The following NOX5 variants were observed in gnomAD, a reference collection of about 807,000 sequenced individuals.
NOX5 encodes the protein NADPH oxidase, EF-hand calcium binding domain 5.
NOX5 carries 76 observed loss-of-function variants against 85.7 expected under a neutral mutation model. The observed-to-expected ratio is 0.89, with a 90% CI of 0.74 to 1.07. The LOEUF is 1.07. NOX5 is among the 50% of genes least tolerant of loss of function. The pLI, the probability that NOX5 is intolerant of heterozygous loss-of-function variation, is 0.00. For synonymous variants in NOX5, 405 were observed against 401.4 expected, an observed-to-expected ratio of 1.01 and a Z score of -0.11; for missense variants, 973 against 999.5, an observed-to-expected ratio of 0.97 and a Z score of 0.36.
rs1399233239 is a variant in NOX5 at position 69,046,981 on chromosome 15, C to T, written c.1692+115C>T. The stretch of plus-strand genomic sequence containing the variant: ...TTGTGGGTACTCAAGCTCCTCAAAT[C>T]CTCATGGGCTGACATCCAGGTATCC... On this transcript the variant is annotated intron_variant, in intron 11 of 15. Coordinates refer to ENST00000388866, the MANE Select transcript of NOX5 (RefSeq NM_024505.4). 3 of 1,073,974 alleles carry T rather than the reference C, an allele frequency of 2.8e-6. No homozygotes were observed. The African/African-American group carries it at 4.7e-5, about 17-fold the overall frequency. The allele number at this position is 1,073,974 out of a possible 1,614,324, so 66.5% of individuals were successfully genotyped here. A position where few individuals can be genotyped will look rare whatever the true frequency, so the allele number is the denominator to read the frequency against.
Position 69,033,148 on chromosome 15 carries a change from G to A in NOX5, c.726G>A (p.Leu242=). 1 of 1,575,276 alleles carries A rather than the reference G, an allele frequency of 6.3e-7. No homozygotes were observed. The highest frequency in any genetic ancestry group is 8.6e-7 in the Non-Finnish European group (1 of 1,167,270). ...WHNHRSQLFC[L]ATYAGLHVLL... ...ACCACCGCAGCCAGCTGTTCTGCCT[G>A]GCCACCTATGCAGGCCTCCACGTGC... Residue 242 remains leucine (L), a synonymous_variant, in exon 5 of 16, where the codon CTG becomes CTA. Coordinates refer to ENST00000388866, the MANE Select transcript of NOX5 (RefSeq NM_024505.4).
chr15:69,018,485 T>G (rs1420291603), intron 1 of NOX5, among the ~76,000 whole-genome samples: 1 of 152,118 alleles, frequency 6.6e-6, no homozygotes, highest in Non-Finnish European at 1.5e-5. Context: ...GGACACAACC[T>G]AGGGAGATGC....
At chr15:69,045,599 T>TTCCCTTTCTTTCTTTTCTTTCTTTCTCTC (rs1567105301) in intron 10 of NOX5, among the ~76,000 whole-genome samples, 1 of 125,756 alleles carries the variant, frequency 8.0e-6, no homozygotes, top group African/African-American at 3.1e-5. Context: ...TCTTTCTTTC[T>TTCCCTTTCTTTCTTTTCTTTCTTTCTCTC]TTTTTTTTTC....
Position 69,056,838 on chromosome 15 carries a change from G to A in NOX5, c.*142G>A. On this transcript the variant is annotated 3_prime_UTR_variant, in exon 16 of 16. Coordinates refer to ENST00000388866, the MANE Select transcript of NOX5 (RefSeq NM_024505.4). Reference sequence around the variant, plus strand: ...GGACCCCCTAATCCTGCTCAACAGAGAGAACAGGAGACCCCAAGGGGCAGA... The same window carrying A: ...GGACCCCCTAATCCTGCTCAACAGAAAGAACAGGAGACCCCAAGGGGCAGA... 1 of 1,012,260 alleles carries A rather than the reference G, an allele frequency of 9.9e-7. No homozygotes were observed. The highest frequency in any genetic ancestry group is 1.4e-6 in the Non-Finnish European group (1 of 714,726). The allele number at this position is 1,012,260 out of a possible 1,614,324, so 62.7% of individuals were successfully genotyped here.
rs772321172 is a variant in NOX5, at chr15:69,056,659, A to G, written c.2261A>G (p.Glu754Gly). Residue 754 changes from glutamate to glycine, a missense_variant, in exon 16 of 16, where the codon GAG becomes GGG. Glu to Gly is a moderately conservative substitution (Grantham distance 98). Coordinates refer to ENST00000388866, the MANE Select transcript of NOX5 (RefSeq NM_024505.4). The part of the protein sequence containing the change: ...ALAKVLKGHC[E>G]KFGFRFFQEN... ...GCCAAGGTGCTGAAGGGCCATTGTGAGAAGTTCGGCTTCAGATTTTTCCAA... is the reference window on the plus strand; with the variant it reads ...GCCAAGGTGCTGAAGGGCCATTGTGGGAAGTTCGGCTTCAGATTTTTCCAA... 4.8e-5 allele frequency: 77 copies of G among 1,613,720 alleles called. No homozygotes were observed. Among genetic ancestry groups the G allele is most frequent in the Non-Finnish European group, 6.4e-5 (75 of 1,180,040 alleles).
At chr15:69,015,434 T>C (rs548985506) in intron 1 of NOX5, among the ~76,000 whole-genome samples, 5 of 152,146 alleles carry the variant, frequency 3.3e-5, no homozygotes, top group Non-Finnish European at 5.9e-5. Context: ...CGTTAGCACT[T>C]GCATGCAGCC....
At chr15:69,017,899 G>A (rs557280582) in intron 1 of NOX5, among the ~76,000 whole-genome samples, 5 of 152,062 alleles carry the variant, frequency 3.3e-5, no homozygotes, top group African/African-American at 9.6e-5. Flanking sequence ...GGATCACCCA[G>A]CAGGCACGAG....
At chr15:69,030,448 G>A (rs2050413973) in intron 3 of NOX5, 1 of 152,176 alleles carries the variant, frequency 6.6e-6, no homozygotes, top group African/African-American at 2.4e-5. Flanking sequence ...TCAGTAGAAT[G>A]GAAGGTTAGA....
chr15:69,024,175 C>A (rs1391120511), intron 1 of NOX5: 1 of 152,316 alleles, frequency 6.6e-6, no homozygotes, highest in Non-Finnish European at 1.5e-5. Context: ...TTAAAATATT[C>A]TTACATTTCC....
intron 5 of NOX5, among the ~76,000 whole-genome samples, chr15:69,035,082 G>A (rs1055968285): frequency 6.6e-6 from 1 of 152,076 alleles, no homozygotes; most frequent in Non-Finnish European, 1.5e-5. Flanking sequence ...TTAAATATTA[G>A]TAAAAGCATA....
At chr15:69,019,773 T>C (rs2050276032) in intron 1 of NOX5, among the ~76,000 whole-genome samples, 1 of 152,228 alleles carries the variant, frequency 6.6e-6, no homozygotes. Flanking sequence ...ATATGGGCCA[T>C]TATGCAGTAA....
chr15:69,023,709 T>TGAAAAATGTAGTACTAGATAG (rs2050322463), intron 1 of NOX5: 1 of 173,734 alleles, frequency 5.8e-6, no homozygotes, highest in African/African-American at 2.4e-5. Context: ...AATAATGCTG[T>TGAAAAATGTAGTACTAGATAG]ATAATAATCC....
rs1422235904 is a variant in NOX5, at chr15:69,062,298, C to T, written c.*5602C>T. 2.4e-4 allele frequency: 36 copies of T among 151,898 alleles called. No homozygotes were observed. The highest frequency in any genetic ancestry group is 2.4e-3 in the Admixed American group (36 of 15,262). The allele number at this position is 151,898 out of a possible 1,614,324, so 9.4% of individuals were successfully genotyped here. ...GAAGACCAGTTAGCCAGAAAGGAAG[C>T]TTGGAAGACCACCCAGCTAACTGGT... On this transcript the variant is annotated 3_prime_UTR_variant, in exon 16 of 16. Transcript: ENST00000388866.
chr15:69,025,450 G>A (rs569671254), intron 1 of NOX5, among the ~76,000 whole-genome samples: 2 of 152,274 alleles, frequency 1.3e-5, no homozygotes, highest in Non-Finnish European at 1.5e-5. Flanking sequence ...CTGTCTGAGA[G>A]CTGAAACAAG....
rs933413594 is a variant in NOX5 at position 69,057,000 on chromosome 15, A to G, written c.*304A>G. On this transcript the variant is annotated 3_prime_UTR_variant, in exon 16 of 16. Coordinates refer to ENST00000388866, the MANE Select transcript of NOX5 (RefSeq NM_024505.4). ...GTGGGGTTCGAGGGGGCAGAGGGCA[A>G]CCACTCCTCCAAACATTTTCCGACG... The G allele has an allele frequency of 2.6e-5, 6 of 234,022 alleles. No homozygotes were observed. Among genetic ancestry groups the G allele is most frequent in the Non-Finnish European group, 4.2e-5 (5 of 119,986 alleles). 14.5% of individuals were successfully genotyped at this position (234,022 alleles called of 1,614,324 possible). A position where few individuals can be genotyped will look rare whatever the true frequency, so the allele number is the denominator to read the frequency against.
At chr15:69,048,880 G>A in intron 13 of NOX5, 79 bp from the exon 14 acceptor site, 1 of 1,015,540 alleles carries the variant, frequency 9.8e-7, no homozygotes, top group South Asian at 1.5e-5. Context: ...GTGGTCATAT[G>A]GGTCCCAGGG....
chr15:69,050,164 C>G (rs139297186), intron 14 of NOX5, among the ~76,000 whole-genome samples: 1 of 152,312 alleles, frequency 6.6e-6, no homozygotes, highest in African/African-American at 2.4e-5. Flanking sequence ...ATCAGTAAGT[C>G]CATTCATTCC....
intron 1 of NOX5, among the ~76,000 whole-genome samples, chr15:69,020,858 T>C (rs1416058249): frequency 1.3e-5 from 2 of 152,114 alleles, no homozygotes; most frequent in African/African-American, 4.8e-5. Context: ...CCATTTTTCT[T>C]ATAGTTTTAA....
In NOX5 at chr15:69,014,719, C is replaced by T. The variant is rs2050210641; in HGVS notation, c.-17C>T. On this transcript the variant is annotated 5_prime_UTR_variant, in exon 1 of 16. Transcript: ENST00000388866. ...CAGCAGTCTTTCTGGGACCTGTGAT[C>T]TAGAAGACAGGAGAAGATGAACACA... 2 of 1,550,424 alleles carry T rather than the reference C, an allele frequency of 1.3e-6. No individual in the cohort carries two copies. The highest frequency in any genetic ancestry group is 3.9e-5 in the Admixed American group (2 of 50,992).
Sources: allele counts gnomAD v4.1 joint callset (sites outside exome capture counted in the v4.1 genomes callset), GRCh38; gene constraint gnomAD v4.1.1; transcripts MANE v1.5; gene names NCBI Gene and HGNC (gene_info 2026-07-23, HGNC 2026-07-21).